SNX8: variants seen among roughly 807,000 people sequenced by gnomAD.
SNX8 encodes the protein sorting nexin-8.
Under a neutral mutation model 51.6 loss-of-function variants are expected in SNX8, and 25 were observed. That is an observed-to-expected ratio of 0.48 (90% CI 0.35 to 0.68). SNX8 has a LOEUF of 0.68. Among genes scored for constraint, SNX8 ranks in the 30% least tolerant of loss-of-function variants. SNX8 has a pLI of 0.00. For synonymous variants in SNX8, 324 were observed against 277.0 expected, an observed-to-expected ratio of 1.17 and a Z score of -1.68; for missense variants, 695 against 624.0, an observed-to-expected ratio of 1.11 and a Z score of -1.21.
upstream of SNX8, among the ~76,000 whole-genome samples, chr7:2,317,649 T>C (rs10232355): frequency 0.39 from 59,300 of 151,658 alleles, 13,567 homozygotes; most frequent in African/African-American, 0.64. Flanking sequence ...CCCAGAACCA[T>C]GTCAGTTCCT....
At chr7:2,331,184 CAAA>C (rs71023397) in intron 1 of SNX8, among the ~76,000 whole-genome samples, 1 of 76,734 alleles carries the variant, frequency 1.3e-5, no homozygotes, top group African/African-American at 5.6e-5. Context: ...GACTCTGTCT[CAAA>C]AAAAAAAAAA....
rs190379854 is a variant in SNX8, at chr7:2,312,763, C to G, written c.94+1565G>C. On this transcript the variant is annotated intron_variant, in intron 1 of 10. Coordinates refer to ENST00000222990, the MANE Select transcript of SNX8 (RefSeq NM_013321.4). ...GGGATTCCCCAATCTTGTCCCCCCC[C>G]ACCAAGAAGAAACCGTAACTCACAC... 5.2e-3 allele frequency among the ~76,000 whole-genome samples: 796 copies of G among 152,218 alleles called. 4 individuals carry two copies. The highest frequency in any genetic ancestry group is 0.018 in the African/African-American group (745 of 41,520).
chr7:2,291,534 G>T (rs1037221996), intron 1 of SNX8, among the ~76,000 whole-genome samples: 1 of 151,934 alleles, frequency 6.6e-6, no homozygotes, highest in African/African-American at 2.4e-5. Context: ...GGAGGCAGAG[G>T]CTGCAGGGAG....
At chr7:2,261,696 C>A (rs572168184) in intron 7 of SNX8, among the ~76,000 whole-genome samples, 2 of 152,342 alleles carry the variant, frequency 1.3e-5, no homozygotes, top group Admixed American at 1.3e-4. Context: ...TCTACAGAAA[C>A]CAACAGTGCC....
chr7:2,276,488 G>A (rs931608068), intron 2 of SNX8, among the ~76,000 whole-genome samples: 1 of 152,210 alleles, frequency 6.6e-6, no homozygotes, highest in African/African-American at 2.4e-5. Flanking sequence ...AGAGCAGACG[G>A]CAGGGAGGGG....
intron 1 of SNX8, among the ~76,000 whole-genome samples, chr7:2,294,899 G>A (rs912207178): frequency 2.6e-5 from 4 of 151,990 alleles, no homozygotes; most frequent in African/African-American, 9.7e-5. Context: ...GCATGGTGGT[G>A]CACACCTGTG....
rs541153004 is a variant in SNX8, at chr7:2,336,644, G to A, written c.-66+17578C>T. ...AATTGCTTGAACCCGGGAGGCGGAG[G>A]TTGCAGTGAGCCGAGATTGCGTCAC... On this transcript the variant is annotated intron_variant, in intron 1 of 5. Coordinates refer to the SNX8 transcript ENST00000435336. Among the ~76,000 whole-genome samples the A allele has an allele frequency of 7.3e-5, 11 of 151,538 alleles. No individual in the cohort carries two copies. The South Asian group carries it at 2.3e-3, about 32-fold the overall frequency.
At chr7:2,266,815 C>G (rs1795475032) in intron 5 of SNX8, among the ~76,000 whole-genome samples, 1 of 152,162 alleles carries the variant, frequency 6.6e-6, no homozygotes, top group Admixed American at 6.5e-5. Flanking sequence ...GCCACCGCGC[C>G]AGCCTGAAGA....
chr7:2,314,402 T>C lies in SNX8; in HGVS notation c.20A>G (p.Asp7Gly). 1.6e-6 allele frequency: 2 copies of C among 1,218,778 alleles called. No homozygotes were observed. The highest frequency in any genetic ancestry group is 2.0e-6 in the Non-Finnish European group (2 of 979,390). The allele number at this position is 1,218,778 out of a possible 1,614,324, so 75.5% of individuals were successfully genotyped here. ...CCCGACTGCAGCCGCGGGCAGCGGGTCCATCGCGCGGCCAGTCATGTGAGC... is the reference window on the plus strand; with the variant it reads ...CCCGACTGCAGCCGCGGGCAGCGGGCCCATCGCGCGGCCAGTCATGTGAGC... MTGRAM[D>G]PLPAAAVGAA... Residue 7 changes from aspartate to glycine, a missense_variant, in exon 1 of 11, where the codon GAC (aspartate) becomes GGC (glycine). Transcript: ENST00000222990.
chr7:2,339,680 T>C (rs1200250583), intron 1 of SNX8, among the ~76,000 whole-genome samples: 1 of 151,622 alleles, frequency 6.6e-6, no homozygotes, highest in African/African-American at 2.4e-5. Flanking sequence ...AATGAAAGAG[T>C]ATAGAATCAA....
chr7:2,326,687 A>G (rs1476265286), intron 1 of SNX8, among the ~76,000 whole-genome samples: 1 of 152,050 alleles, frequency 6.6e-6, no homozygotes, highest in Non-Finnish European at 1.5e-5. Context: ...ATAATAATTA[A>G]TTGAATTAAA....
chr7:2,275,988 A>G (rs1343298774), intron 2 of SNX8, among the ~76,000 whole-genome samples: 4 of 148,802 alleles, frequency 2.7e-5, no homozygotes, highest in East Asian at 3.9e-4. Flanking sequence ...GCAGAGCGAG[A>G]CTCCATTTCA....
intron 7 of SNX8, among the ~76,000 whole-genome samples, chr7:2,258,072 A>T (rs148804022): frequency 1.4e-5 from 2 of 144,782 alleles, no homozygotes; most frequent in Non-Finnish European, 3.0e-5. Context: ...ATGCAGTGGC[A>T]CGATCTCGGC....
chr7:2,257,955 C>T, intron 7 of SNX8, 152 bp from the exon 8 acceptor site: 1 of 675,996 alleles, frequency 1.5e-6, no homozygotes, highest in Non-Finnish European at 2.6e-6. Flanking sequence ...AGGGGGCCCC[C>T]TTCCCCACCA....
intron 1 of SNX8, among the ~76,000 whole-genome samples, chr7:2,286,458 T>C (rs1459837398): frequency 6.6e-6 from 1 of 152,164 alleles, no homozygotes; most frequent in Non-Finnish European, 1.5e-5. Flanking sequence ...CACATCTATA[T>C]TCATTTTTGC....
chr7:2,273,990 C>T (rs941554378), intron 3 of SNX8, among the ~76,000 whole-genome samples: 41 of 152,308 alleles, frequency 2.7e-4, no homozygotes, highest in Middle Eastern at 3.4e-3. Flanking sequence ...CACTGGCAGG[C>T]CTCTTCCGAT....
At chr7:2,330,397 A>G (rs1392639669) in intron 1 of SNX8, among the ~76,000 whole-genome samples, 7 of 152,092 alleles carry the variant, frequency 4.6e-5, no homozygotes, top group Admixed American at 3.9e-4. Flanking sequence ...CTTGGCCTCC[A>G]AAGTGCTGGG....
At chr7:2,337,321 C>G (rs1583122191) in intron 1 of SNX8, 1 of 151,978 alleles carries the variant, frequency 6.6e-6, no homozygotes, top group East Asian at 1.9e-4. Context: ...ATGGCACGCA[C>G]CTGTGGTCCT....
upstream of SNX8, among the ~76,000 whole-genome samples, chr7:2,317,468 G>T (rs1463310735): frequency 1.3e-5 from 2 of 151,222 alleles, no homozygotes; most frequent in East Asian, 3.9e-4. Context: ...GTAGAGATGG[G>T]TTTTCACCAT....
Sources: gnomAD v4.1 joint callset for allele counts (sites outside exome capture counted in the v4.1 genomes callset) on GRCh38, gnomAD v4.1.1 for gene constraint, MANE v1.5 for transcripts, NCBI Gene and HGNC (gene_info 2026-07-23, HGNC 2026-07-21) for gene names.